The following OTOF variants were observed in gnomAD, a reference collection of about 807,000 sequenced individuals.
The protein encoded by OTOF is otoferlin.
A neutral mutation model predicts 236.8 loss-of-function variants in OTOF; 218 were observed. The observed-to-expected ratio is 0.92, with a 90% CI of 0.82 to 1.03. The LOEUF is 1.03. OTOF is among the 50% of genes least tolerant of loss of function. The pLI, the probability that OTOF is intolerant of heterozygous loss-of-function variation, is 0.00. For synonymous variants in OTOF, 1,041 were observed against 1,072.5 expected (o/e 0.97, Z 0.57); for missense variants, 2,590 against 2,694.4 (o/e 0.96, Z 0.86).
In OTOF at chr2:26,477,927, A is replaced by G; in HGVS notation, c.2215-178T>C. ...CATCAATTTCCCAGGTTCTGTTCTC[A>G]GAACCTGGAGATGTTGGTGTTCATG... On this transcript the variant is annotated intron_variant, in intron 18 of 46. Transcript: ENST00000272371. The surrounding 1 kb of genome is among the most constrained non-coding windows in gnomAD (Gnocchi z 4.7). 1 of 1,489,134 alleles carries G rather than the reference A, an allele frequency of 6.7e-7. No individual in the cohort carries two copies. Among genetic ancestry groups the G allele is most frequent in the Non-Finnish European group, 8.9e-7 (1 of 1,123,918 alleles). 92.2% of individuals were successfully genotyped at this position (1,489,134 alleles called of 1,614,324 possible).
rs1394963385 is a variant in OTOF, at chr2:26,467,507, C to A, written c.4091-6G>T. 6.2e-7 allele frequency: 1 copy of A among 1,613,502 alleles called. No individual in the cohort carries two copies. Among genetic ancestry groups the A allele is most frequent in the Non-Finnish European group, 8.5e-7 (1 of 1,179,764 alleles). On this transcript the variant is annotated splice_polypyrimidine_tract_variant and splice_region_variant and intron_variant, in intron 33 of 46. Coordinates refer to ENST00000272371, the MANE Select transcript of OTOF (RefSeq NM_194248.3). ...CTTCATTGACCCCTTCAGGCCTGGC[C>A]AGAAGCAGAAAAGGAGGTGGAGCAG...
At chr2:26,468,537 C>T in intron 32 of OTOF, 63 bp from the exon 33 acceptor site, 1 of 1,269,858 alleles carries the variant, frequency 7.9e-7, no homozygotes, top group Non-Finnish European at 1.2e-6. Context: ...CTGTTGACCC[C>T]AAATTGTGGG....
In OTOF at chr2:26,535,934, G is replaced by C. The variant is rs940511775; in HGVS notation, c.138+1782C>G. On this transcript the variant is annotated intron_variant, in intron 2 of 46. Coordinates refer to ENST00000272371, the MANE Select transcript of OTOF (RefSeq NM_194248.3). Reference sequence around the variant, plus strand: ...GCTGGGCATGGAAAAGGGTGGCAGTGCCCTTGGAAGGGGCATCAGGTTGCC... The same window carrying C: ...GCTGGGCATGGAAAAGGGTGGCAGTCCCCTTGGAAGGGGCATCAGGTTGCC... Among the ~76,000 whole-genome samples the C allele has an allele frequency of 2.6e-5, 4 of 152,234 alleles. No individual in the cohort carries two copies. In the South Asian group the frequency reaches 6.2e-4, roughly 24 times the overall value.
rs137989597 is a variant in OTOF, at chr2:26,516,801, A to G, written c.328-202T>C. 7.1e-3 allele frequency among the ~76,000 whole-genome samples: 1,074 copies of G among 152,290 alleles called. 9 individuals are homozygous for G. The highest frequency in any genetic ancestry group is 0.011 in the Non-Finnish European group (726 of 68,020). On this transcript the variant is annotated intron_variant, in intron 4 of 46. Coordinates refer to ENST00000272371, the MANE Select transcript of OTOF (RefSeq NM_194248.3). ...AAGGCTGACTTGTGCAGACCGGGTC[A>G]GCTTACTGGTACCTGGCTCCAGGTC... is the stretch of plus-strand genomic sequence containing the variant.
chr2:26,479,287 T>C lies in OTOF; in HGVS notation c.2191A>G (p.Met731Val). 2 of 1,612,866 alleles carry C rather than the reference T, an allele frequency of 1.2e-6. No homozygotes were observed. Among genetic ancestry groups the C allele is most frequent in the Non-Finnish European group, 1.7e-6 (2 of 1,179,928 alleles). The change falls in exon 18 of 47, where the codon ATG (methionine) becomes GTG (valine). Residue 731 changes from methionine to valine, a missense_variant. This residue lies in a region of OTOF where 1,379 missense variants were observed against 1,341.6 expected (regional missense o/e 1.03). Transcript: ENST00000272371. ...QRRRLYNANI[M>V]DHIADKLEEG... ...ACCAGCTTGTCGGCAATGTGGTCCA[T>C]GATGTTGGCATTGTAGAGGCGGCGG...
At chr2:26,530,008 A>G (rs1558517981) in intron 2 of OTOF, among the ~76,000 whole-genome samples, 1 of 143,990 alleles carries the variant, frequency 6.9e-6, no homozygotes, top group Non-Finnish European at 1.6e-5. Context: ...ATGGGGCTGC[A>G]GGGAAATAAA....
intron 3 of OTOF, among the ~76,000 whole-genome samples, chr2:26,520,055 G>A (rs1666639614): frequency 6.6e-6 from 1 of 152,194 alleles, no homozygotes; most frequent in Non-Finnish European, 1.5e-5. Context: ...TGATGGAGTT[G>A]ACTTCAACCC....
intron 5 of OTOF, among the ~76,000 whole-genome samples, chr2:26,510,349 T>C (rs1454873993): frequency 1.3e-5 from 2 of 151,878 alleles, no homozygotes; most frequent in East Asian, 3.9e-4. Context: ...CATGCCCCTC[T>C]CCCCTTAGCC....
chr2:26,532,245 T>C (rs928807496), intron 2 of OTOF, among the ~76,000 whole-genome samples: 5 of 151,866 alleles, frequency 3.3e-5, no homozygotes, highest in Middle Eastern at 6.8e-3. Flanking sequence ...AGTGGGAAAG[T>C]GGAGAGGCGA....
At chr2:26,530,443 G>A (rs771448329) in intron 2 of OTOF, among the ~76,000 whole-genome samples, 3 of 152,134 alleles carry the variant, frequency 2.0e-5, no homozygotes, top group Admixed American at 6.5e-5. Flanking sequence ...TTCGTCAGCC[G>A]GGTCTGGGCA....
intron 1 of OTOF, among the ~76,000 whole-genome samples, chr2:26,556,517 A>C (rs1667588660): frequency 6.6e-6 from 1 of 152,096 alleles, no homozygotes; most frequent in African/African-American, 2.4e-5. Flanking sequence ...GGAGCTTGGA[A>C]GCGATTTCTC....
intron 1 of OTOF, among the ~76,000 whole-genome samples, chr2:26,538,297 A>G (rs1522101): frequency 0.64 from 97,451 of 152,194 alleles, 35,496 homozygotes; most frequent in East Asian, 0.86. Flanking sequence ...GCTTCCAGAC[A>G]GCCATTCCCC....
intron 3 of OTOF, among the ~76,000 whole-genome samples, chr2:26,521,864 T>G (rs1666684118): frequency 6.6e-6 from 1 of 152,198 alleles, no homozygotes; most frequent in African/African-American, 2.4e-5. Context: ...GCCCTCCGAC[T>G]TCCACCGGAC....
intron 1 of OTOF, among the ~76,000 whole-genome samples, chr2:26,546,670 G>A (rs1667340452): frequency 6.6e-6 from 1 of 151,086 alleles, no homozygotes; most frequent in South Asian, 2.1e-4. Flanking sequence ...TCAGTCTATA[G>A]ATCATTTTGT....
intron 5 of OTOF, among the ~76,000 whole-genome samples, chr2:26,514,514 G>C (rs907716819): frequency 1.1e-4 from 16 of 152,342 alleles, no homozygotes; most frequent in African/African-American, 3.6e-4. Context: ...TGAGAAACTG[G>C]CTCTGTGTTG....
intron 3 of OTOF, 144 bp from the exon 4 acceptor site, chr2:26,519,253 G>A: frequency 1.5e-6 from 1 of 669,056 alleles, no homozygotes; most frequent in Non-Finnish European, 2.7e-6. Context: ...AGGTGGCCCA[G>A]GAGCCAGGAC....
rs727504936 is a variant in OTOF at position 26,476,176 on chromosome 2, G to A, written c.2818C>T (p.Gln940Ter). Residue 940 changes from glutamine (Q) to a stop codon, truncating the protein, a stop_gained, in exon 23 of 47, where the codon CAG becomes TAG. Transcript: ENST00000272371. LOFTEE classifies it high-confidence loss of function. ...PCGFQEVKAAQGLGLHAFPPV... is the reference protein window; with the variant it reads ...PCGFQEVKAA Reference sequence around the variant, plus strand: ...GGGAAGGCATGCAGGCCCAGGCCCTGGGCTGCCTTGACCTCCTGGAAGCCA... The same window carrying A: ...GGGAAGGCATGCAGGCCCAGGCCCTAGGCTGCCTTGACCTCCTGGAAGCCA... 6.2e-7 allele frequency: 1 copy of A among 1,611,026 alleles called. No homozygotes were observed. Among genetic ancestry groups the A allele is most frequent in the Non-Finnish European group, 8.5e-7 (1 of 1,179,748 alleles).
chr2:26,481,714 C>G (rs886249682), intron 14 of OTOF, among the ~76,000 whole-genome samples: 2 of 152,066 alleles, frequency 1.3e-5, no homozygotes, highest in Non-Finnish European at 2.9e-5. Context: ...GCAGTTCCAC[C>G]CCCTCAAAAG....
intron 1 of OTOF, among the ~76,000 whole-genome samples, chr2:26,555,663 G>A (rs563850746): frequency 2.3e-4 from 35 of 152,282 alleles, no homozygotes; most frequent in Admixed American, 8.5e-4. Context: ...CTCAGCAGAG[G>A]CTCCTACAGA....
Sources: allele counts gnomAD v4.1 joint callset (sites outside exome capture counted in the v4.1 genomes callset), GRCh38; gene constraint gnomAD v4.1.1; regional missense constraint gnomAD v4.1.1; non-coding constraint Gnocchi (gnomAD v3.1); transcripts MANE v1.5; gene names NCBI Gene and HGNC (gene_info 2026-07-23, HGNC 2026-07-21).